LSAMP: variants seen among roughly 807,000 people sequenced by gnomAD.
LSAMP encodes limbic system-associated membrane protein.
In LSAMP, 7 loss-of-function variants were observed where a neutral mutation model predicts 38.6. That is an observed-to-expected ratio of 0.18 (90% CI 0.10 to 0.34). The LOEUF (loss-of-function observed/expected upper bound fraction) is 0.34. Ranked by LOEUF, LSAMP falls within the 10% of genes least tolerant of loss-of-function variation. The pLI is 1.00. For synonymous variants in LSAMP, 154 were observed against 166.8 expected (o/e 0.92, Z 0.59); for missense variants, 313 against 420.0 (o/e 0.75, Z 2.23).
intron 3 of LSAMP, among the ~76,000 whole-genome samples, chr3:115,869,806 A>C (rs1198707197): frequency 6.6e-6 from 1 of 152,126 alleles, no homozygotes; most frequent in Non-Finnish European, 1.5e-5. Flanking sequence ...CCGAACAAAA[A>C]TCCTGTAGTG....
chr3:115,909,905 T>C (rs1006414826), intron 3 of LSAMP, among the ~76,000 whole-genome samples: 1 of 152,216 alleles, frequency 6.6e-6, no homozygotes, highest in Non-Finnish European at 1.5e-5. Context: ...TTCACTCTTC[T>C]AAAAAGAAAA....
intron 2 of LSAMP, among the ~76,000 whole-genome samples, chr3:116,038,494 C>T (rs1941097876): frequency 6.6e-6 from 1 of 152,160 alleles, no homozygotes; most frequent in African/African-American, 2.4e-5. Context: ...GAATCTGTAA[C>T]ATCTCTGTAG....
chr3:115,979,483 C>T (rs534632147), intron 3 of LSAMP, among the ~76,000 whole-genome samples: 1 of 152,172 alleles, frequency 6.6e-6, no homozygotes, highest in Non-Finnish European at 1.5e-5. Context: ...TATTGCTTAG[C>T]AGCAGGATTC....
intron 1 of LSAMP, among the ~76,000 whole-genome samples, chr3:116,272,032 G>T (rs2046981080): frequency 6.6e-6 from 1 of 152,006 alleles, no homozygotes; most frequent in East Asian, 1.9e-4. Context: ...AATGATAAAA[G>T]AGATGGATGT....
intron 2 of LSAMP, among the ~76,000 whole-genome samples, chr3:116,059,008 C>A (rs1160301238): frequency 1.3e-5 from 2 of 151,876 alleles, no homozygotes; most frequent in African/African-American, 4.8e-5. Flanking sequence ...ATGGCAGATG[C>A]CTTCGATACA....
intron 1 of LSAMP, among the ~76,000 whole-genome samples, chr3:116,391,856 CTTCTCTGCCTGGGAAGAGG>C (rs889534812): frequency 5.3e-5 from 8 of 152,126 alleles, no homozygotes; most frequent in African/African-American, 1.9e-4. Context: ...TGGGAAGAGG[CTTCTCTGCCTGGGAAGAGG>C]TTCTCTGCCA....
chr3:116,395,341 G>C (rs1019164099), intron 1 of LSAMP, among the ~76,000 whole-genome samples: 32 of 152,154 alleles, frequency 2.1e-4, no homozygotes, highest in African/African-American at 7.7e-4. Flanking sequence ...ACACAGCTCA[G>C]CTCTTCCCTG....
intron 1 of LSAMP, among the ~76,000 whole-genome samples, chr3:116,253,747 C>T (rs987513933): frequency 7.2e-5 from 11 of 152,024 alleles, no homozygotes; most frequent in Admixed American, 1.3e-4. Flanking sequence ...TAAATAAATC[C>T]GACAAAGTTT....
intron 1 of LSAMP, among the ~76,000 whole-genome samples, chr3:116,208,598 T>G (rs1417133459): frequency 6.6e-6 from 1 of 152,218 alleles, no homozygotes; most frequent in East Asian, 1.9e-4. Context: ...GTCCTTTCTA[T>G]TTGTTAGTTT....
chr3:116,068,839 C>A (rs1400256967), intron 2 of LSAMP, among the ~76,000 whole-genome samples: 1 of 152,170 alleles, frequency 6.6e-6, no homozygotes, highest in East Asian at 1.9e-4. Context: ...ATTCTGTACA[C>A]TCTGGGAGCT....
intron 1 of LSAMP, among the ~76,000 whole-genome samples, chr3:116,313,511 A>T (rs2047585945): frequency 2.0e-5 from 3 of 152,166 alleles, no homozygotes. Context: ...GTTTTCTCTT[A>T]TTCAAGTGAG....
chr3:116,062,290 C>T (rs540444207), intron 2 of LSAMP, among the ~76,000 whole-genome samples: 2 of 152,246 alleles, frequency 1.3e-5, no homozygotes, highest in African/African-American at 2.4e-5. Flanking sequence ...AGGCAGATCA[C>T]TTGAGGTCAA....
At chr3:115,922,983 G>A (rs1372618935) in intron 3 of LSAMP, among the ~76,000 whole-genome samples, 1 of 152,116 alleles carries the variant, frequency 6.6e-6, no homozygotes, top group Non-Finnish European at 1.5e-5. Flanking sequence ...CTGTGAGTGA[G>A]GCATTATACC....
chr3:116,305,679 G>A (rs1446342472), intron 1 of LSAMP, among the ~76,000 whole-genome samples: 2 of 151,848 alleles, frequency 1.3e-5, no homozygotes, highest in Non-Finnish European at 1.5e-5. Flanking sequence ...TATATTATTT[G>A]TATTAATCAC....
chr3:116,178,758 G>T (rs781082423), intron 1 of LSAMP, among the ~76,000 whole-genome samples: 9 of 151,996 alleles, frequency 5.9e-5, no homozygotes, highest in Non-Finnish European at 1.2e-4. Flanking sequence ...CTTCAAAACA[G>T]ATAATAAAAA....
chr3:116,401,802 T>C (rs2048844306), intron 1 of LSAMP, among the ~76,000 whole-genome samples: 1 of 152,208 alleles, frequency 6.6e-6, no homozygotes, highest in Non-Finnish European at 1.5e-5. Flanking sequence ...ATCAAATATA[T>C]ACATAAAGAG....
intron 3 of LSAMP, among the ~76,000 whole-genome samples, chr3:115,937,875 G>A (rs1937763770): frequency 6.6e-6 from 1 of 151,914 alleles, no homozygotes; most frequent in Non-Finnish European, 1.5e-5. Flanking sequence ...ACTATGATCT[G>A]GTTGTGTTTA....
At chr3:116,120,039 T>A (rs1242758372) in intron 1 of LSAMP, among the ~76,000 whole-genome samples, 1 of 152,196 alleles carries the variant, frequency 6.6e-6, no homozygotes, top group Non-Finnish European at 1.5e-5. Flanking sequence ...AATCTTAGGA[T>A]AAAATTTTAT....
At chr3:115,999,657 G>A (rs1939931192) in intron 3 of LSAMP, among the ~76,000 whole-genome samples, 1 of 152,168 alleles carries the variant, frequency 6.6e-6, no homozygotes, top group African/African-American at 2.4e-5. Context: ...TCCTGAAGGT[G>A]GTTTGGTAAA....
Sources: gnomAD v4.1 joint callset for allele counts (sites outside exome capture counted in the v4.1 genomes callset) on GRCh38, gnomAD v4.1.1 for gene constraint, MANE v1.5 for transcripts, NCBI Gene and HGNC (gene_info 2026-07-23, HGNC 2026-07-21) for gene names.